COL23A1: variants seen among roughly 807,000 people sequenced by gnomAD.
COL23A1 encodes the protein collagen alpha-1(XXIII) chain.
A neutral mutation model predicts 99.3 loss-of-function variants in COL23A1; 97 were observed. The observed-to-expected ratio is 0.98, with a 90% confidence interval of 0.83 to 1.16. COL23A1 has a LOEUF of 1.16. COL23A1 is among the 50% of genes most tolerant of loss of function. The pLI, the probability that COL23A1 is intolerant of heterozygous loss-of-function variation, is 0.00. For missense variants in COL23A1, 762 were observed against 757.4 expected, an observed-to-expected ratio of 1.01 and a Z score of -0.07; for synonymous variants, 320 against 308.2, an observed-to-expected ratio of 1.04 and a Z score of -0.40.
chr5:178,566,375 A>G (rs781254710), intron 1 of COL23A1, among the ~76,000 whole-genome samples: 3 of 152,220 alleles, frequency 2.0e-5, no homozygotes, highest in Non-Finnish European at 4.4e-5. Context: ...ATGAATACCA[A>G]TTACAAACCA....
At chr5:178,362,372 C>T (rs1246075574) in intron 2 of COL23A1, among the ~76,000 whole-genome samples, 1 of 152,216 alleles carries the variant, frequency 6.6e-6, no homozygotes, top group Non-Finnish European at 1.5e-5. Flanking sequence ...TCAGTGGGCC[C>T]ACAGCACGAC....
At chr5:178,409,319 C>T (rs1373263911) in intron 2 of COL23A1, among the ~76,000 whole-genome samples, 1 of 152,186 alleles carries the variant, frequency 6.6e-6, no homozygotes, top group African/African-American at 2.4e-5. Context: ...TCGAATGCCA[C>T]ACATGGTATA....
intron 2 of COL23A1, among the ~76,000 whole-genome samples, chr5:178,488,220 T>C (rs1003331358): frequency 6.6e-6 from 1 of 152,198 alleles, no homozygotes; most frequent in African/African-American, 2.4e-5. Flanking sequence ...TCAATTTATA[T>C]GAAAAGTCAG....
chr5:178,512,269 T>C lies in COL23A1; in HGVS notation c.361+48413A>G, dbSNP rs867483519. On this transcript the variant is annotated intron_variant, in intron 2 of 28. Coordinates refer to ENST00000390654, the MANE Select transcript of COL23A1 (RefSeq NM_173465.4). ...TTGTAATTGATCACATAAAATATGG[T>C]CATGGAACGTTGGGATATCTTGTGC... 5.9e-5 allele frequency among the ~76,000 whole-genome samples: 9 copies of C among 152,370 alleles called. No homozygotes were observed. The Middle Eastern group carries it at 0.014, about 230-fold the overall frequency.
In COL23A1 at chr5:178,428,692, G is replaced by A. The variant is rs1370456635; in HGVS notation, c.362-121773C>T. ...GCTGGGGCTGGGCTGGGGACAGGATGTTTTCTGCTTCTCCAGGACATTGTC... is the reference window on the plus strand; with the variant it reads ...GCTGGGGCTGGGCTGGGGACAGGATATTTTCTGCTTCTCCAGGACATTGTC... On this transcript the variant is annotated intron_variant, in intron 2 of 28. Coordinates refer to ENST00000390654, the MANE Select transcript of COL23A1 (RefSeq NM_173465.4). This position sits in a 1 kb window ranked among gnomAD's most constrained non-coding sequence, Gnocchi z 5.0. 2.0e-5 allele frequency among the ~76,000 whole-genome samples: 3 copies of A among 152,236 alleles called. No individual in the cohort carries two copies. The highest frequency in any genetic ancestry group is 7.2e-5 in the African/African-American group (3 of 41,456).
At chr5:178,363,881 T>C (rs1002503548) in intron 2 of COL23A1, among the ~76,000 whole-genome samples, 1 of 152,216 alleles carries the variant, frequency 6.6e-6, no homozygotes, top group African/African-American at 2.4e-5. Context: ...GCACAACCCA[T>C]CTGGGTGTGG....
intron 2 of COL23A1, among the ~76,000 whole-genome samples, chr5:178,447,100 T>TA (rs1235409873): frequency 9.9e-5 from 10 of 100,838 alleles, no homozygotes; most frequent in African/African-American, 4.4e-4. Flanking sequence ...TTATTATTAT[T>TA]TTTTTTTTTC....
chr5:178,248,045 T>C (rs1163502320), intron 20 of COL23A1, 147 bp downstream of exon 20: 2 of 723,496 alleles, frequency 2.8e-6, no homozygotes, highest in Non-Finnish European at 4.8e-6. Context: ...GACTCTGTTC[T>C]CAGAGGGGTC....
chr5:178,414,741 C>T (rs1218943367), intron 2 of COL23A1, among the ~76,000 whole-genome samples: 2 of 152,192 alleles, frequency 1.3e-5, no homozygotes, highest in Admixed American at 6.5e-5. Context: ...TACTACACTC[C>T]AGCATGAGTG....
intron 11 of COL23A1, 31 bp from the exon 12 acceptor site, chr5:178,259,778 A>C: frequency 6.3e-7 from 1 of 1,594,418 alleles, no homozygotes; most frequent in South Asian, 1.1e-5. Context: ...TTCAAGAGCA[A>C]GGTCAAAACC....
At chr5:178,377,190 G>A (rs937027876) in intron 2 of COL23A1, among the ~76,000 whole-genome samples, 2 of 152,240 alleles carry the variant, frequency 1.3e-5, no homozygotes, top group African/African-American at 4.8e-5. Flanking sequence ...CCACCCAGCA[G>A]AGCTATGATT....
intron 2 of COL23A1, among the ~76,000 whole-genome samples, chr5:178,530,507 A>G (rs76850734): frequency 0.043 from 6,591 of 152,278 alleles, 171 homozygotes; most frequent in African/African-American, 0.08. Context: ...AATATGAGCC[A>G]GACAGAATCA....
chr5:178,259,846 G>A (rs1257900482), intron 11 of COL23A1, 99 bp from the exon 12 acceptor site: 3 of 1,169,462 alleles, frequency 2.6e-6, no homozygotes, highest in Non-Finnish European at 3.6e-6. Context: ...TGGCACTGAT[G>A]ACCCGTGCCC....
Position 178,310,132 on chromosome 5 carries a change from C to T in COL23A1, c.362-3213G>A, listed in dbSNP as rs73344844. ...CTTCCACCCTTCCTTTCCCGGACTGCGAGAAGACAGGCGGTGAGGCCCTGG... is the reference window on the plus strand; with the variant it reads ...CTTCCACCCTTCCTTTCCCGGACTGTGAGAAGACAGGCGGTGAGGCCCTGG... On this transcript the variant is annotated intron_variant, in intron 2 of 28. Coordinates refer to ENST00000390654, the MANE Select transcript of COL23A1 (RefSeq NM_173465.4). This position sits in a 1 kb window ranked among gnomAD's most constrained non-coding sequence, Gnocchi z 4.3. Among the ~76,000 whole-genome samples, 4,785 of 152,276 alleles carry T rather than the reference C, an allele frequency of 0.031. 212 individuals carry two copies. Among genetic ancestry groups the T allele is most frequent in the African/African-American group, 0.1 (4,155 of 41,530 alleles).
rs973239878 is a variant in COL23A1, at chr5:178,415,555, G to C, written c.362-108636C>G. 2.6e-5 allele frequency among the ~76,000 whole-genome samples: 4 copies of C among 152,172 alleles called. No homozygotes were observed. Among genetic ancestry groups the C allele is most frequent in the African/African-American group, 9.7e-5 (4 of 41,440 alleles). ...ACCTCTCCACAGCCAGAGGACACGA[G>C]GGACGCCCCTTGCAGATACTTCCAA... On this transcript the variant is annotated intron_variant, in intron 2 of 28. Coordinates refer to ENST00000390654, the MANE Select transcript of COL23A1 (RefSeq NM_173465.4). This position sits in a 1 kb window ranked among gnomAD's most constrained non-coding sequence, Gnocchi z 4.6.
At chr5:178,560,544 G>T (rs1762503548) in intron 2 of COL23A1, 138 bp downstream of exon 2, 2 of 678,904 alleles carry the variant, frequency 2.9e-6, no homozygotes, top group African/African-American at 3.7e-5. Context: ...GTCAATGTGG[G>T]AAAGAAAGGC....
rs1388711960 is a variant in COL23A1 at position 178,310,323 on chromosome 5, G to A, written c.362-3404C>T. ...CTGAGTCTCTGGACTATCAGGTGCC[G>A]AGAGCCCACCATGGGCAGTGACCTG... On this transcript the variant is annotated intron_variant, in intron 2 of 28. Transcript: ENST00000390654. This position sits in a 1 kb window ranked among gnomAD's most constrained non-coding sequence, Gnocchi z 4.3. Among the ~76,000 whole-genome samples, 2 of 152,158 alleles carry A rather than the reference G, an allele frequency of 1.3e-5. No individual in the cohort carries two copies. Among genetic ancestry groups the A allele is most frequent in the African/African-American group, 2.4e-5 (1 of 41,428 alleles).
At chr5:178,520,883 G>A (rs950979519) in intron 2 of COL23A1, among the ~76,000 whole-genome samples, 4 of 152,186 alleles carry the variant, frequency 2.6e-5, no homozygotes, top group African/African-American at 9.7e-5. Context: ...GAATTTATAG[G>A]AATAATTTAG....
At chr5:178,335,279 G>A (rs1760257221) in intron 2 of COL23A1, among the ~76,000 whole-genome samples, 1 of 152,200 alleles carries the variant, frequency 6.6e-6, no homozygotes, top group Non-Finnish European at 1.5e-5. Flanking sequence ...TAATAATTTT[G>A]GAGTGGATAA....
Sources: gnomAD v4.1 joint callset for allele counts (sites outside exome capture counted in the v4.1 genomes callset) on GRCh38, gnomAD v4.1.1 for gene constraint, Gnocchi (gnomAD v3.1) non-coding constraint, MANE v1.5 for transcripts, NCBI Gene and HGNC (gene_info 2026-07-23, HGNC 2026-07-21) for gene names.